The following CD8B2 variants were observed in gnomAD, a reference collection of about 807,000 sequenced individuals.
The protein encoded by CD8B2 is CD8B family member 2, also known as T-cell surface glycoprotein CD8 beta-2 chain.
Under a neutral mutation model 23.7 loss-of-function variants are expected in CD8B2, and 11 were observed. That is an observed-to-expected ratio of 0.46 (90% CI 0.29 to 0.77). The LOEUF (loss-of-function observed/expected upper bound fraction) is 0.77, where lower values mean the gene tolerates loss of function less well. Ranked by LOEUF, CD8B2 falls within the 30% of genes least tolerant of loss-of-function variation. The probability of loss-of-function intolerance (pLI) is 0.09; values close to 1 mark genes in which losing one functional copy is unlikely to be tolerated. For synonymous variants in CD8B2, 90 were observed against 109.3 expected (o/e 0.82, Z 1.10); for missense variants, 197 against 270.5 (o/e 0.73, Z 1.91).
chr2:106,531,057 A>G lies in CD8B2; in HGVS notation c.621-12935A>G, dbSNP rs149402881. Among the ~76,000 whole-genome samples the G allele has an allele frequency of 2.1e-4, 32 of 152,316 alleles. 2 individuals carry two copies. The highest frequency in any genetic ancestry group is 7.0e-4 in the African/African-American group (29 of 41,574). ...CCATTGTTTATTCCTTTACTTCCTT[A>G]ATAAACTTGCTTTCACTTTACCCTA... is the stretch of plus-strand genomic sequence containing the variant. On this transcript the variant is annotated intron_variant, in intron 5 of 5. Coordinates refer to the CD8B2 transcript ENST00000416057.
At chr2:106,542,610 G>A (rs922037105) in intron 5 of CD8B2, among the ~76,000 whole-genome samples, 24 of 148,562 alleles carry the variant, frequency 1.6e-4, no homozygotes, top group African/African-American at 4.7e-4. Flanking sequence ...TCCCCATGAA[G>A]GATATATATT....
intron 5 of CD8B2, among the ~76,000 whole-genome samples, chr2:106,521,042 GAGAGAGAA>G (rs1679818671): frequency 6.6e-6 from 1 of 151,120 alleles, no homozygotes; most frequent in Admixed American, 6.6e-5. Context: ...GAGAGAGAGA[GAGAGAGAA>G]AGAGAGAGAC....
At chr2:106,506,071 G>A (rs1360964188) in intron 5 of CD8B2, among the ~76,000 whole-genome samples, 4 of 152,132 alleles carry the variant, frequency 2.6e-5, no homozygotes, top group Middle Eastern at 3.4e-3. Context: ...GGAGGCAGAG[G>A]TTGCAATGAG....
intron 5 of CD8B2, among the ~76,000 whole-genome samples, chr2:106,534,976 C>A (rs561210770): frequency 3.9e-5 from 6 of 152,042 alleles, no homozygotes; most frequent in Admixed American, 1.3e-4. Flanking sequence ...CATGTGCCAC[C>A]TTGCCCGGCT....
At chr2:106,488,292 A>G (rs4352227) in intron 1 of CD8B2, among the ~76,000 whole-genome samples, 147,328 of 149,866 alleles carry the variant, frequency 0.98, 72,472 homozygotes, top group East Asian at 1. Context: ...ATTACTGATG[A>G]ATCTAGAAAC....
At chr2:106,528,121 T>C (rs1256023340) in intron 5 of CD8B2, among the ~76,000 whole-genome samples, 1 of 152,260 alleles carries the variant, frequency 6.6e-6, no homozygotes, top group Non-Finnish European at 1.5e-5. Flanking sequence ...AGAAAAATCC[T>C]GCATAAATAT....
intron 5 of CD8B2, among the ~76,000 whole-genome samples, chr2:106,527,614 C>T (rs560018536): frequency 5.9e-5 from 9 of 152,266 alleles, no homozygotes; most frequent in Non-Finnish European, 1.2e-4. Context: ...GAAACCCTGT[C>T]TCTACTAAAA....
chr2:106,535,536 T>G (rs1680072149), intron 5 of CD8B2, among the ~76,000 whole-genome samples: 1 of 152,076 alleles, frequency 6.6e-6, no homozygotes, highest in Non-Finnish European at 1.5e-5. Context: ...TAAGGCAAGT[T>G]TATAAAATAG....
At chr2:106,524,893 C>T (rs192940104) in intron 5 of CD8B2, among the ~76,000 whole-genome samples, 12 of 152,290 alleles carry the variant, frequency 7.9e-5, no homozygotes, top group Admixed American at 3.3e-4. Context: ...CTGAGGCCCA[C>T]GTCCCTCCCA....
chr2:106,491,316 G>A, intron 2 of CD8B2, 83 bp downstream of exon 2: 2 of 1,257,912 alleles, frequency 1.6e-6, no homozygotes, highest in Non-Finnish European at 2.3e-6. Flanking sequence ...AGGCTTCAGT[G>A]TGCCCCTGTC....
At chr2:106,515,884 G>A (rs543653394), downstream of CD8B2, among the ~76,000 whole-genome samples, 9 of 151,788 alleles carry the variant, frequency 5.9e-5, no homozygotes, top group East Asian at 3.9e-4. Flanking sequence ...GTGCAATGGC[G>A]TGATCTCAGC....
chr2:106,505,702 T>G (rs191482915), intron 5 of CD8B2, among the ~76,000 whole-genome samples: 2 of 152,372 alleles, frequency 1.3e-5, no homozygotes, highest in African/African-American at 4.8e-5. Context: ...TAAACATGCC[T>G]GCTGGATTTT....
In CD8B2 at chr2:106,506,992, G is replaced by A. The variant is rs1223931211; in HGVS notation, c.*52G>A. The A allele has an allele frequency of 8.3e-6, 13 of 1,557,048 alleles. No individual in the cohort carries two copies. The highest frequency in any genetic ancestry group is 4.5e-5 in the East Asian group (2 of 44,358). Reference sequence around the variant, plus strand: ...CTACAAAAAGACATCGGTCAGTAACGAGCACGATGTGGAAAAATGAGAGAA... The same window carrying A: ...CTACAAAAAGACATCGGTCAGTAACAAGCACGATGTGGAAAAATGAGAGAA... On this transcript the variant is annotated 3_prime_UTR_variant, in exon 6 of 6. Coordinates refer to ENST00000643224, the MANE Select transcript of CD8B2 (RefSeq NM_001349727.2).
At chr2:106,532,953 G>A (rs1280360306) in intron 5 of CD8B2, among the ~76,000 whole-genome samples, 1 of 152,106 alleles carries the variant, frequency 6.6e-6, no homozygotes, top group Non-Finnish European at 1.5e-5. Flanking sequence ...ATTCAAGATG[G>A]AGTTGTTCTG....
At chr2:106,489,708 G>A (rs1334291481) in intron 1 of CD8B2, among the ~76,000 whole-genome samples, 1 of 152,168 alleles carries the variant, frequency 6.6e-6, no homozygotes, top group East Asian at 1.9e-4. Flanking sequence ...TAACAACCCT[G>A]TGATATGAGA....
intron 5 of CD8B2, among the ~76,000 whole-genome samples, chr2:106,527,315 G>A (rs190875036): frequency 6.6e-6 from 1 of 152,346 alleles, no homozygotes; most frequent in East Asian, 1.9e-4. Flanking sequence ...ACGGCCTGAA[G>A]TCTGAAAAAC....
intron 3 of CD8B2, among the ~76,000 whole-genome samples, chr2:106,500,560 A>AATTAAT (rs1553466761): frequency 0.034 from 4,009 of 118,976 alleles, 13 homozygotes; most frequent in Middle Eastern, 0.051. Context: ...AAATAAATAA[A>AATTAAT]TAATTAAAAA....
In CD8B2 at chr2:106,487,470, GT is replaced by G; in HGVS notation, c.43+2del. ...CTCCTCCTGGCCGCGCAGCTGACAG[GT>G]AAGGCGGCGGCGCGCGGGCTGCCCA... is the stretch of plus-strand genomic sequence containing the variant. On this transcript the variant is annotated splice_donor_variant, in intron 1 of 5. Coordinates refer to ENST00000643224, the MANE Select transcript of CD8B2 (RefSeq NM_001349727.2). LOFTEE classifies it high-confidence loss of function. 1.6e-6 allele frequency: 2 copies of G among 1,245,252 alleles called. No homozygotes were observed. Among genetic ancestry groups the G allele is most frequent in the Non-Finnish European group, 2.0e-6 (2 of 995,928 alleles). The allele number at this position is 1,245,252 out of a possible 1,614,324, so 77.1% of individuals were successfully genotyped here.
In CD8B2 at chr2:106,496,220, A is replaced by G. The variant is rs2104553181; in HGVS notation, c.451A>G (p.Lys151Glu). 1 of 1,541,864 alleles carries G rather than the reference A, an allele frequency of 6.5e-7. No individual in the cohort carries two copies. Among genetic ancestry groups the G allele is most frequent in the Middle Eastern group, 2.0e-4 (1 of 5,066 alleles). ...CCAGCCCACCAAGAAGTCCACCCTC[A>G]AGAAGAGAGTGTGCCGGTTACCCAG... is the stretch of plus-strand genomic sequence containing the variant. ...TAQPTKKSTL[K>E]KRVCRLPRPE... The change falls in exon 3 of 6, where the codon AAG (lysine) becomes GAG (glutamate). Residue 151 changes from lysine to glutamate, a missense_variant. Physicochemically the swap from Lys to Glu is moderately conservative, Grantham distance 56. Around this residue, in one of 3 missense-constraint regions of CD8B2, gnomAD observed 35 missense variants for 82.9 expected, o/e 0.42. Transcript: ENST00000643224.
Sources: gnomAD v4.1 joint callset for allele counts (sites outside exome capture counted in the v4.1 genomes callset) on GRCh38, gnomAD v4.1.1 for gene constraint, gnomAD v4.1.1 regional missense constraint, MANE v1.5 for transcripts, NCBI Gene and HGNC (gene_info 2026-07-23, HGNC 2026-07-21) for gene names.